LRRC69: variants seen among roughly 807,000 people sequenced by gnomAD.
The protein encoded by LRRC69 is leucine-rich repeat-containing protein 69.
A neutral mutation model predicts 37.8 loss-of-function variants in LRRC69; 42 were observed. That is an observed-to-expected ratio of 1.11 (90% CI 0.87 to 1.44). LRRC69 has a LOEUF of 1.44. Ranked by LOEUF, LRRC69 falls within the 40% of genes most tolerant of loss-of-function variation. LRRC69 has a pLI of 0.00. For missense variants in LRRC69, 357 were observed against 401.9 expected, an observed-to-expected ratio of 0.89 and a Z score of 0.96; for synonymous variants, 141 against 143.1, an observed-to-expected ratio of 0.99 and a Z score of 0.11.
intron 6 of LRRC69, among the ~76,000 whole-genome samples, chr8:91,196,783 G>C (rs1809609906): frequency 6.6e-6 from 1 of 151,634 alleles, no homozygotes; most frequent in African/African-American, 2.4e-5. Context: ...CTTTGCCTTT[G>C]GTTTGAATGT....
At chr8:91,158,425 A>G (rs566098855) in intron 5 of LRRC69, 2 of 1,378,562 alleles carry the variant, frequency 1.5e-6, no homozygotes, top group Non-Finnish European at 2.1e-6. Flanking sequence ...ATGATGAGGA[A>G]TTCATAGAAA....
chr8:91,158,781 AAAG>A (rs1808884927), intron 5 of LRRC69: 1 of 787,754 alleles, frequency 1.3e-6, no homozygotes, highest in African/African-American at 1.7e-5. Flanking sequence ...TAAGTGGAAA[AAAG>A]AGAAAAACCA....
chr8:91,160,163 A>G (rs945970589), intron 5 of LRRC69, among the ~76,000 whole-genome samples: 2 of 150,390 alleles, frequency 1.3e-5, no homozygotes, highest in Non-Finnish European at 3.0e-5. Context: ...AAATGGGATA[A>G]TTTTTTCTTG....
intron 5 of LRRC69, among the ~76,000 whole-genome samples, chr8:91,137,251 G>A (rs989238264): frequency 2.0e-5 from 3 of 151,950 alleles, no homozygotes; most frequent in Non-Finnish European, 2.9e-5. Context: ...TCTATGTCCT[G>A]CGATGCCTTC....
At chr8:91,194,316 G>T (rs1389711494) in intron 6 of LRRC69, among the ~76,000 whole-genome samples, 1 of 150,320 alleles carries the variant, frequency 6.7e-6, no homozygotes, top group African/African-American at 2.5e-5. Context: ...CTCTTTTTTG[G>T]TTGTGTCTCT....
At chr8:91,178,143 C>T (rs1225779566) in intron 5 of LRRC69, among the ~76,000 whole-genome samples, 2 of 152,182 alleles carry the variant, frequency 1.3e-5, no homozygotes, top group Non-Finnish European at 2.9e-5. Flanking sequence ...CCACTGCGCC[C>T]GGCCTGTTTT....
At chr8:91,142,594 G>T (rs1386095352) in intron 5 of LRRC69, among the ~76,000 whole-genome samples, 1 of 151,966 alleles carries the variant, frequency 6.6e-6, no homozygotes, top group Non-Finnish European at 1.5e-5. Context: ...AACCCAGAAG[G>T]CTAGGCCCTC....
At chr8:91,209,219 G>A (rs986457631) in intron 7 of LRRC69, among the ~76,000 whole-genome samples, 1 of 152,122 alleles carries the variant, frequency 6.6e-6, no homozygotes, top group African/African-American at 2.4e-5. Context: ...CTGAGGTCAG[G>A]AATTTGAGAC....
chr8:91,135,787 G>C lies in LRRC69; in HGVS notation c.651+48G>C, dbSNP rs1201946787. 3.7e-6 allele frequency: 4 copies of C among 1,089,646 alleles called. No homozygotes were observed. In the African/African-American group the frequency reaches 6.7e-5, roughly 18 times the overall value. 67.5% of individuals were successfully genotyped at this position (1,089,646 alleles called of 1,614,324 possible). ...ATAATTGAAAAATAATTTTGTTTATGCTATTGGGAATAGAAAAAATATGGG... is the reference window on the plus strand; with the variant it reads ...ATAATTGAAAAATAATTTTGTTTATCCTATTGGGAATAGAAAAAATATGGG... On this transcript the variant is annotated intron_variant, in intron 5 of 7. Transcript: ENST00000448384.
chr8:91,190,429 C>T (rs115994015), intron 6 of LRRC69, among the ~76,000 whole-genome samples: 2 of 150,550 alleles, frequency 1.3e-5, no homozygotes, highest in African/African-American at 4.9e-5. Flanking sequence ...GAAATTAGGG[C>T]AAAAAAAAGC....
At chr8:91,199,441 G>A (rs1809676934) in intron 6 of LRRC69, among the ~76,000 whole-genome samples, 1 of 152,074 alleles carries the variant, frequency 6.6e-6, no homozygotes, top group South Asian at 2.1e-4. Flanking sequence ...TATTGGGAGG[G>A]ATAGGATAAT....
At chr8:91,134,623 C>T (rs1484764042) in intron 4 of LRRC69, among the ~76,000 whole-genome samples, 1 of 151,952 alleles carries the variant, frequency 6.6e-6, no homozygotes, top group Non-Finnish European at 1.5e-5. Flanking sequence ...CAAAATAAAG[C>T]TTTACCAGCA....
intron 5 of LRRC69, among the ~76,000 whole-genome samples, chr8:91,144,669 A>G (rs1488990253): frequency 6.6e-6 from 1 of 151,800 alleles, no homozygotes; most frequent in Non-Finnish European, 1.5e-5. Context: ...TTCTCTTTTT[A>G]TACCCAATGA....
Position 91,104,978 on chromosome 8 carries a change from C to T in LRRC69, c.183+2134C>T, listed in dbSNP as rs114349583. On this transcript the variant is annotated intron_variant, in intron 1 of 7. Coordinates refer to ENST00000448384, the Ensembl canonical transcript of LRRC69. ...TTCTTGTGGCTCCCTTTGTTACTTG[C>T]CCTCTCATTCTTCTATTTAGGGGTA... is the stretch of plus-strand genomic sequence containing the variant. 5.1e-3 allele frequency among the ~76,000 whole-genome samples: 775 copies of T among 152,086 alleles called. 10 individuals carry two copies. The highest frequency in any genetic ancestry group is 0.018 in the African/African-American group (739 of 41,544).
chr8:91,110,376 C>T (rs1327932586), intron 1 of LRRC69, among the ~76,000 whole-genome samples: 1 of 151,938 alleles, frequency 6.6e-6, no homozygotes, highest in East Asian at 1.9e-4. Flanking sequence ...CAGTGGCTCA[C>T]GCCTGTAATC....
At chr8:91,196,674 G>A (rs1159117398) in intron 6 of LRRC69, among the ~76,000 whole-genome samples, 3 of 151,758 alleles carry the variant, frequency 2.0e-5, no homozygotes, top group East Asian at 1.9e-4. Flanking sequence ...CGTAGTTCTC[G>A]AGCCTTGGTT....
intron 5 of LRRC69, among the ~76,000 whole-genome samples, chr8:91,174,595 G>A (rs1342170280): frequency 6.6e-6 from 1 of 152,198 alleles, no homozygotes; most frequent in Non-Finnish European, 1.5e-5. Flanking sequence ...CAGCCTTCAT[G>A]AAATCTTTGA....
At chr8:91,131,246 T>TG (rs932724935) in intron 3 of LRRC69, among the ~76,000 whole-genome samples, 5 of 146,694 alleles carry the variant, frequency 3.4e-5, no homozygotes, top group African/African-American at 8.0e-5. Flanking sequence ...TTTTTTTTTT[T>TG]TTGTTTTGTT....
intron 5 of LRRC69, among the ~76,000 whole-genome samples, chr8:91,145,411 T>A (rs1808600397): frequency 6.6e-6 from 1 of 151,936 alleles, no homozygotes. Context: ...TTAGCAGCAT[T>A]AGAGATCCAC....
Sources: gnomAD v4.1 joint callset for allele counts (sites outside exome capture counted in the v4.1 genomes callset) on GRCh38, gnomAD v4.1.1 for gene constraint, MANE v1.5 for transcripts, NCBI Gene and HGNC (gene_info 2026-07-23, HGNC 2026-07-21) for gene names.